CRYBB1: variants seen among roughly 807,000 people sequenced by gnomAD.
CRYBB1 encodes the protein crystallin beta B1, also known as beta-crystallin B1.
CRYBB1 carries 16 observed loss-of-function variants against 29.5 expected under a neutral mutation model. The observed-to-expected ratio is 0.54, with a 90% CI of 0.37 to 0.82. The LOEUF (loss-of-function observed/expected upper bound fraction) is 0.82, where lower values mean the gene tolerates loss of function less well. Ranked by LOEUF, CRYBB1 falls within the 40% of genes least tolerant of loss-of-function variation. CRYBB1 has a pLI of 0.00. For missense variants in CRYBB1, 300 were observed against 350.5 expected (o/e 0.86, Z 1.15); for synonymous variants, 127 against 136.7 (o/e 0.93, Z 0.49).
At chr22:26,606,927 G>A (rs1239629714) in intron 4 of CRYBB1, among the ~76,000 whole-genome samples, 2 of 151,952 alleles carry the variant, frequency 1.3e-5, no homozygotes, top group East Asian at 3.9e-4. Context: ...GAATCTTCTG[G>A]AAGTTGACTT....
chr22:26,607,781 C>T (rs956847304), intron 4 of CRYBB1, 108 bp downstream of exon 4: 15 of 1,485,884 alleles, frequency 1.0e-5, no homozygotes, highest in African/African-American at 4.1e-5. Flanking sequence ...GAGGCTGCCA[C>T]GCCTCCCTAC....
intron 1 of CRYBB1, among the ~76,000 whole-genome samples, chr22:26,616,603 C>A (rs537205349): frequency 1.3e-5 from 2 of 152,342 alleles, no homozygotes; most frequent in Admixed American, 1.3e-4. Context: ...CATTACCCCG[C>A]TAGGTCCTTC....
At chr22:26,601,749 G>T in intron 5 of CRYBB1, 130 bp downstream of exon 5, 1 of 1,457,636 alleles carries the variant, frequency 6.9e-7, no homozygotes, top group Non-Finnish European at 9.3e-7. Flanking sequence ...CCAGGAACCA[G>T]CACTGGGAGA....
Position 26,602,010 on chromosome 22 carries a change from C to T in CRYBB1, c.444G>A (p.Glu148=). Residue 148 remains glutamate, a synonymous_variant, in exon 5 of 6, where the codon GAG becomes GAA. Coordinates refer to ENST00000647684, the MANE Select transcript of CRYBB1 (RefSeq NM_001887.4). ...CCCCTTCAAACAGGGAGATTTTGTGCTCCTGGGCATCCTGGGGAAAGAGAG... is the reference window on the plus strand; with the variant it reads ...CCCCTTCAAACAGGGAGATTTTGTGTTCCTGGGCATCCTGGGGAAAGAGAG... ...SFRPIKMDAQ[E]HKISLFEGAN... is the part of the protein sequence containing the mutation. 2 of 1,613,722 alleles carry T rather than the reference C, an allele frequency of 1.2e-6. No homozygotes were observed. Among genetic ancestry groups the T allele is most frequent in the Non-Finnish European group, 1.7e-6 (2 of 1,179,882 alleles).
At chr22:26,607,636 C>G (rs539712911) in intron 4 of CRYBB1, among the ~76,000 whole-genome samples, 2 of 150,862 alleles carry the variant, frequency 1.3e-5, no homozygotes, top group Non-Finnish European at 2.9e-5. Context: ...AAGGAAGATG[C>G]TGAAGTTTTT....
At chr22:26,612,011 T>G in intron 3 of CRYBB1, 61 bp downstream of exon 3, 1 of 1,216,280 alleles carries the variant, frequency 8.2e-7, no homozygotes, top group Non-Finnish European at 1.2e-6. Flanking sequence ...AAATGGCAGC[T>G]ACTGTTGTGT....
intron 4 of CRYBB1, 110 bp downstream of exon 4, chr22:26,607,779 C>T: frequency 6.8e-7 from 1 of 1,474,850 alleles, no homozygotes; most frequent in Non-Finnish European, 9.4e-7. Flanking sequence ...CGGAGGCTGC[C>T]ACGCCTCCCT....
chr22:26,617,636 CTCTA>C (rs768985501), intron 1 of CRYBB1, among the ~76,000 whole-genome samples: 6 of 152,150 alleles, frequency 3.9e-5, no homozygotes, highest in African/African-American at 7.2e-5. Flanking sequence ...GTCTTTGCCT[CTCTA>C]TCTGTTTCTT....
chr22:26,605,914 A>G (rs1402697592), intron 4 of CRYBB1, among the ~76,000 whole-genome samples: 1 of 152,184 alleles, frequency 6.6e-6, no homozygotes, highest in African/African-American at 2.4e-5. Flanking sequence ...GGTTAGACCA[A>G]GCTTATTTAA....
intron 4 of CRYBB1, among the ~76,000 whole-genome samples, chr22:26,604,741 AG>A (rs1415337336): frequency 6.6e-6 from 1 of 152,234 alleles, no homozygotes; most frequent in Non-Finnish European, 1.5e-5. Context: ...ATGTAAGCAC[AG>A]GGGACCCTTT....
chr22:26,602,855 G>C (rs1928864129), intron 4 of CRYBB1, among the ~76,000 whole-genome samples: 1 of 152,130 alleles, frequency 6.6e-6, no homozygotes, highest in African/African-American at 2.4e-5. Context: ...CGGGTGCGAT[G>C]GCTCACTCCT....
At chr22:26,607,654 A>C (rs1049534621) in intron 4 of CRYBB1, among the ~76,000 whole-genome samples, 14 of 151,936 alleles carry the variant, frequency 9.2e-5, no homozygotes, top group African/African-American at 1.9e-4. Context: ...TTTAGCTCTA[A>C]CTTGGAAGCT....
At chr22:26,609,186 G>A (rs930253088) in intron 3 of CRYBB1, among the ~76,000 whole-genome samples, 1 of 152,230 alleles carries the variant, frequency 6.6e-6, no homozygotes, top group African/African-American at 2.4e-5. Context: ...GCTCTCCCCA[G>A]AAGGAGACAA....
At chr22:26,615,158 T>C (rs547818851) in intron 2 of CRYBB1, among the ~76,000 whole-genome samples, 1 of 152,330 alleles carries the variant, frequency 6.6e-6, no homozygotes, top group African/African-American at 2.4e-5. Context: ...GAGCGTGTCA[T>C]GAACTAGGGG....
At chr22:26,610,979 T>A (rs1467155727) in intron 3 of CRYBB1, among the ~76,000 whole-genome samples, 1 of 152,086 alleles carries the variant, frequency 6.6e-6, no homozygotes, top group African/African-American at 2.4e-5. Context: ...GCTGCGTGGA[T>A]CTTGTCCTGG....
chr22:26,600,447 G>A (rs1398206248), intron 5 of CRYBB1, among the ~76,000 whole-genome samples: 8 of 152,080 alleles, frequency 5.3e-5, no homozygotes, highest in Non-Finnish European at 8.8e-5. Flanking sequence ...GCATCAGTGC[G>A]TAGCAGCTGG....
At chr22:26,599,695 C>A in intron 5 of CRYBB1, 22 bp from the exon 6 acceptor site, 1 of 1,608,730 alleles carries the variant, frequency 6.2e-7, no homozygotes, top group Non-Finnish European at 8.5e-7. Context: ...GTGAGAAGGA[C>A]AGAGTGGAGA....
At chr22:26,603,877 T>C (rs1288984154) in intron 4 of CRYBB1, among the ~76,000 whole-genome samples, 1 of 152,050 alleles carries the variant, frequency 6.6e-6, no homozygotes, top group Non-Finnish European at 1.5e-5. Context: ...TGAGCCAAGA[T>C]TGTGTCACTG....
intron 3 of CRYBB1, among the ~76,000 whole-genome samples, chr22:26,609,582 T>C (rs910882368): frequency 2.6e-5 from 4 of 152,000 alleles, no homozygotes; most frequent in Non-Finnish European, 5.9e-5. Flanking sequence ...GGGTGGGTGA[T>C]GGAGAACACA....
Sources: gnomAD v4.1 joint callset for allele counts (sites outside exome capture counted in the v4.1 genomes callset) on GRCh38, gnomAD v4.1.1 for gene constraint, MANE v1.5 for transcripts, NCBI Gene and HGNC (gene_info 2026-07-23, HGNC 2026-07-21) for gene names.